KCTD8: variants seen among roughly 807,000 people sequenced by gnomAD.
KCTD8 encodes the protein potassium channel tetramerization domain containing 8.
Under a neutral mutation model 31.5 loss-of-function variants are expected in KCTD8, and 27 were observed. The observed-to-expected ratio is 0.86, with a 90% CI of 0.63 to 1.18. KCTD8 has a LOEUF of 1.18. Ranked by LOEUF, KCTD8 falls within the 50% of genes most tolerant of loss-of-function variation. The pLI is 0.00. For synonymous variants in KCTD8, 290 were observed against 280.0 expected (o/e 1.04, Z -0.36); for missense variants, 658 against 647.7 (o/e 1.02, Z -0.17).
intron 1 of KCTD8, among the ~76,000 whole-genome samples, chr4:44,282,730 G>A (rs571856224): frequency 6.6e-6 from 1 of 152,134 alleles, no homozygotes; most frequent in East Asian, 1.9e-4. Context: ...TATGATGGCA[G>A]TTTTAATGAT....
At chr4:44,418,848 G>C (rs891880149) in intron 1 of KCTD8, among the ~76,000 whole-genome samples, 2 of 152,098 alleles carry the variant, frequency 1.3e-5, no homozygotes, top group African/African-American at 4.8e-5. Context: ...GCACATAACA[G>C]TAAATGATCT....
intron 1 of KCTD8, among the ~76,000 whole-genome samples, chr4:44,298,434 T>C (rs1717508735): frequency 6.7e-6 from 1 of 150,154 alleles, no homozygotes; most frequent in African/African-American, 2.4e-5. Context: ...TTTTTCTGTA[T>C]AATAAAATTA....
In KCTD8 at chr4:44,175,200, G is replaced by A. The variant is rs1302861047; in HGVS notation, c.1012C>T (p.His338Tyr). 41 of 1,605,520 alleles carry A rather than the reference G, an allele frequency of 2.6e-5. No individual in the cohort carries two copies. The highest frequency in any genetic ancestry group is 3.4e-5 in the Non-Finnish European group (40 of 1,176,374). ...SPKQEHEDRK[H>Y]DKVTDKGSES... The stretch of plus-strand genomic sequence containing the variant: ...CTTCCTTTATCAGTGACTTTGTCAT[G>A]TTTCCTATCTTCATGTTCTTGTTTA... Residue 338 changes from histidine (H) to tyrosine (Y), a missense_variant, in exon 2 of 2, where the codon CAT becomes TAT. Coordinates refer to ENST00000360029, the MANE Select transcript of KCTD8 (RefSeq NM_198353.3).
intron 1 of KCTD8, among the ~76,000 whole-genome samples, chr4:44,301,163 G>A (rs1219995401): frequency 6.6e-6 from 1 of 152,090 alleles, no homozygotes; most frequent in Non-Finnish European, 1.5e-5. Flanking sequence ...TGTGAATAAT[G>A]CCGCAATAAA....
chr4:44,279,632 T>C (rs2109377845), intron 1 of KCTD8, among the ~76,000 whole-genome samples: 1 of 152,208 alleles, frequency 6.6e-6, no homozygotes, highest in Non-Finnish European at 1.5e-5. Flanking sequence ...TTCATGAGCA[T>C]GATCTCCAGG....
At chr4:44,272,350 A>C (rs1205588542) in intron 1 of KCTD8, among the ~76,000 whole-genome samples, 1 of 151,872 alleles carries the variant, frequency 6.6e-6, no homozygotes. Context: ...TTTTTAAAAA[A>C]GTACTTCTAC....
intron 1 of KCTD8, among the ~76,000 whole-genome samples, chr4:44,294,005 T>C (rs1210779751): frequency 6.6e-6 from 1 of 152,204 alleles, no homozygotes; most frequent in Non-Finnish European, 1.5e-5. Context: ...ATGCAATGCA[T>C]GCCATTTTGC....
chr4:44,371,260 C>A (rs762378113), intron 1 of KCTD8, among the ~76,000 whole-genome samples: 1 of 152,160 alleles, frequency 6.6e-6, no homozygotes. Flanking sequence ...ACCTGCTCAA[C>A]CTTTTCAAAT....
At position 44,428,891 on chromosome 4, in the gene KCTD8, T is replaced by A. The variant is rs564579628; in HGVS notation, c.961+18672A>T. ...GACATATTAAACCAAACACACCACT[T>A]ACATATTAACATGGAAATTTCTAGT... On this transcript the variant is annotated intron_variant, in intron 1 of 1. Transcript: ENST00000360029. Among the ~76,000 whole-genome samples, 35 of 151,880 alleles carry A rather than the reference T, an allele frequency of 2.3e-4. 1 individual carries two copies. The South Asian group carries it at 7.1e-3, about 31-fold the overall frequency.
intron 1 of KCTD8, among the ~76,000 whole-genome samples, chr4:44,400,376 C>A (rs1468439703): frequency 6.6e-6 from 1 of 151,538 alleles, no homozygotes; most frequent in East Asian, 1.9e-4. Flanking sequence ...TAGTTACTAT[C>A]TATTTTAGCA....
chr4:44,194,793 C>T (rs1481616425), intron 1 of KCTD8, among the ~76,000 whole-genome samples: 1 of 72,794 alleles, frequency 1.4e-5, no homozygotes, highest in Non-Finnish European at 2.7e-5. Context: ...CCCTCCCTCC[C>T]TCCCTCCCTC....
intron 1 of KCTD8, among the ~76,000 whole-genome samples, chr4:44,383,328 T>C (rs1720123410): frequency 6.6e-6 from 1 of 151,992 alleles, no homozygotes; most frequent in African/African-American, 2.4e-5. Context: ...TTTTAAAATC[T>C]GTATAAAACC....
At chr4:44,304,928 C>G (rs147612665) in intron 1 of KCTD8, among the ~76,000 whole-genome samples, 11 of 151,686 alleles carry the variant, frequency 7.3e-5, no homozygotes, top group Non-Finnish European at 1.5e-4. Context: ...GAGTTGAACT[C>G]CAGCCTAGGT....
chr4:44,298,286 T>G (rs1337298978), intron 1 of KCTD8, among the ~76,000 whole-genome samples: 12 of 152,126 alleles, frequency 7.9e-5, no homozygotes, highest in Non-Finnish European at 1.6e-4. Flanking sequence ...GTCTTCTGTT[T>G]CGGAATTGGG....
intron 1 of KCTD8, among the ~76,000 whole-genome samples, chr4:44,290,099 C>A (rs552958514): frequency 6.6e-6 from 1 of 151,834 alleles, no homozygotes; most frequent in East Asian, 1.9e-4. Context: ...TGCACAAGAT[C>A]AAAGTAAAGG....
At chr4:44,184,449 A>G (rs1713521979) in intron 1 of KCTD8, among the ~76,000 whole-genome samples, 1 of 152,204 alleles carries the variant, frequency 6.6e-6, no homozygotes, top group Non-Finnish European at 1.5e-5. Flanking sequence ...AGAAAAGAAA[A>G]GAAAAAGAAG....
Position 44,448,279 on chromosome 4 carries a change from CCGCCACGGGGA to C in KCTD8, c.234_244del (p.Ser78ArgfsTer92). 6.2e-7 allele frequency: 1 copy of C among 1,608,414 alleles called. No homozygotes were observed. The highest frequency in any genetic ancestry group is 1.7e-4 in the Middle Eastern group (1 of 6,040). ...GGGCAGCTCGCCCCGGCGCCGGGCG[CCGCCACGGGGA>C]CTAGAGGGCGAGAACATGCTGGCCA... On this transcript the variant is annotated frameshift_variant, in exon 1 of 2. Transcript: ENST00000360029. LOFTEE classifies it high-confidence loss of function. This position sits in a 1 kb window ranked among gnomAD's most constrained non-coding sequence, Gnocchi z 4.1.
chr4:44,260,035 G>A (rs572927105), intron 1 of KCTD8, among the ~76,000 whole-genome samples: 4 of 151,772 alleles, frequency 2.6e-5, no homozygotes, highest in Non-Finnish European at 5.9e-5. Flanking sequence ...TAGGAAGGCA[G>A]GCAGAAAATG....
intron 1 of KCTD8, among the ~76,000 whole-genome samples, chr4:44,226,524 A>G (rs573737460): frequency 6.6e-6 from 1 of 152,324 alleles, no homozygotes; most frequent in Non-Finnish European, 1.5e-5. Context: ...TCTTCATAGC[A>G]GAATAATTTA....
Sources: gnomAD v4.1 joint callset for allele counts (sites outside exome capture counted in the v4.1 genomes callset) on GRCh38, gnomAD v4.1.1 for gene constraint, Gnocchi (gnomAD v3.1) non-coding constraint, MANE v1.5 for transcripts, NCBI Gene and HGNC (gene_info 2026-07-23, HGNC 2026-07-21) for gene names.